The following CNTN4 variants were observed in gnomAD, a reference collection of about 807,000 sequenced individuals.
The protein encoded by CNTN4 is contactin 4.
CNTN4 carries 77 observed loss-of-function variants against 122.5 expected under a neutral mutation model. The observed-to-expected ratio is 0.63, with a 90% CI of 0.52 to 0.76. The LOEUF (loss-of-function observed/expected upper bound fraction) is 0.76. CNTN4 is among the 30% of genes least tolerant of loss of function. The pLI is 0.00. For missense variants in CNTN4, 1,256 were observed against 1,259.1 expected, an observed-to-expected ratio of 1.00 and a Z score of 0.04; for synonymous variants, 512 against 447.0, an observed-to-expected ratio of 1.15 and a Z score of -1.83.
intron 4 of CNTN4, among the ~76,000 whole-genome samples, chr3:2,635,673 G>A (rs1307928342): frequency 6.6e-6 from 1 of 152,182 alleles, no homozygotes; most frequent in Non-Finnish European, 1.5e-5. Context: ...TTCTGGCCAT[G>A]TTCAGAGCTT....
At chr3:2,591,745 A>C (rs145638687) in intron 4 of CNTN4, among the ~76,000 whole-genome samples, 88 of 152,374 alleles carry the variant, frequency 5.8e-4, no homozygotes, top group African/African-American at 2.1e-3. Context: ...GCCTAAACGA[A>C]GAAAAATGAG....
intron 2 of CNTN4, among the ~76,000 whole-genome samples, chr3:2,218,355 C>T (rs1280975291): frequency 1.3e-5 from 2 of 151,950 alleles, no homozygotes; most frequent in African/African-American, 4.8e-5. Flanking sequence ...TTACCACTTT[C>T]TTTTAAAGCA....
At chr3:2,840,424 G>GA (rs1365584186) in intron 7 of CNTN4, among the ~76,000 whole-genome samples, 33 of 151,082 alleles carry the variant, frequency 2.2e-4, no homozygotes, top group African/African-American at 6.8e-4. Context: ...AGCTGGGGCC[G>GA]GCGCGGTGGC....
At chr3:2,465,599 C>T (rs1212193171) in intron 3 of CNTN4, among the ~76,000 whole-genome samples, 2 of 152,210 alleles carry the variant, frequency 1.3e-5, no homozygotes, top group Middle Eastern at 6.8e-3. Flanking sequence ...ATTGCTTGAA[C>T]CCGGGAGGCA....
chr3:2,748,697 A>T (rs1230786010), intron 6 of CNTN4, among the ~76,000 whole-genome samples: 1 of 152,202 alleles, frequency 6.6e-6, no homozygotes, highest in East Asian at 1.9e-4. Flanking sequence ...AGCCTTGCTA[A>T]AATCAACATG....
intron 3 of CNTN4, among the ~76,000 whole-genome samples, chr3:2,509,999 A>G (rs1341753812): frequency 6.6e-6 from 1 of 152,208 alleles, no homozygotes; most frequent in African/African-American, 2.4e-5. Flanking sequence ...GTACAACTAA[A>G]TAAGACCATT....
chr3:2,363,900 T>C, intron 3 of CNTN4, among the ~76,000 whole-genome samples: 1 of 152,358 alleles, frequency 6.6e-6, no homozygotes, highest in Middle Eastern at 3.4e-3. Flanking sequence ...ATAGCTTTAA[T>C]GTAGGTGATT....
At chr3:2,420,942 A>G (rs866226837) in intron 3 of CNTN4, among the ~76,000 whole-genome samples, 2 of 152,172 alleles carry the variant, frequency 1.3e-5, no homozygotes, top group South Asian at 4.1e-4. Flanking sequence ...TTTGCCTAAT[A>G]AAGTAAACGT....
At chr3:2,228,991 C>T (rs905356934) in intron 2 of CNTN4, among the ~76,000 whole-genome samples, 5 of 152,094 alleles carry the variant, frequency 3.3e-5, no homozygotes, top group Non-Finnish European at 5.9e-5. Context: ...TTTGCTTCTG[C>T]TGTATATAAG....
intron 3 of CNTN4, among the ~76,000 whole-genome samples, chr3:2,496,235 C>G (rs905853098): frequency 2.0e-5 from 3 of 152,074 alleles, no homozygotes; most frequent in Non-Finnish European, 2.9e-5. Context: ...TTGATGACGT[C>G]CGATGTGCTT....
chr3:2,422,765 TTC>T (rs1432534362), intron 3 of CNTN4, among the ~76,000 whole-genome samples: 4 of 152,352 alleles, frequency 2.6e-5, no homozygotes, highest in Admixed American at 1.3e-4. Flanking sequence ...GCTGCTGATA[TTC>T]TGTTTCCCCT....
intron 4 of CNTN4, among the ~76,000 whole-genome samples, chr3:2,638,665 A>G (rs928923421): frequency 6.6e-6 from 1 of 152,194 alleles, no homozygotes; most frequent in Non-Finnish European, 1.5e-5. Context: ...CCATTTAGCT[A>G]GACATATACA....
chr3:2,334,900 A>C (rs1467754903), intron 2 of CNTN4, among the ~76,000 whole-genome samples: 1 of 152,208 alleles, frequency 6.6e-6, no homozygotes, highest in Non-Finnish European at 1.5e-5. Flanking sequence ...TGTTCTTAAT[A>C]AATAACCGAC....
At chr3:2,696,632 C>CCAGT (rs2086048694) in intron 4 of CNTN4, among the ~76,000 whole-genome samples, 1 of 152,060 alleles carries the variant, frequency 6.6e-6, no homozygotes, top group Admixed American at 6.6e-5. Flanking sequence ...TGTTAATGAC[C>CCAGT]CAGTCTTAGG....
intron 6 of CNTN4, among the ~76,000 whole-genome samples, chr3:2,776,845 C>A (rs943896252): frequency 6.6e-6 from 1 of 152,108 alleles, no homozygotes; most frequent in African/African-American, 2.4e-5. Flanking sequence ...CAGACATACC[C>A]CCTTCATTCA....
At chr3:2,547,991 T>C (rs918435362) in intron 3 of CNTN4, among the ~76,000 whole-genome samples, 1 of 152,134 alleles carries the variant, frequency 6.6e-6, no homozygotes, top group African/African-American at 2.4e-5. Context: ...CACTTTTTGA[T>C]GAGGTTGTTT....
In CNTN4 at chr3:3,056,256, A is replaced by C. The variant is rs1364770568; in HGVS notation, c.*36A>C. 2.7e-6 allele frequency: 4 copies of C among 1,479,424 alleles called. No individual in the cohort carries two copies. The highest frequency in any genetic ancestry group is 3.8e-6 in the Non-Finnish European group (4 of 1,057,374). 91.6% of individuals were successfully genotyped at this position (1,479,424 alleles called of 1,614,324 possible). A position where few individuals can be genotyped will look rare whatever the true frequency, so the allele number is the denominator to read the frequency against. On this transcript the variant is annotated 3_prime_UTR_variant, in exon 25 of 25. Coordinates refer to ENST00000418658, the MANE Select transcript of CNTN4 (RefSeq NM_175607.3). Reference sequence around the variant, plus strand: ...CTGAAGGACTTGCTGTTTATAATATAAGCAACATTTAGCTAGTTGTTTTGA... The same window carrying C: ...CTGAAGGACTTGCTGTTTATAATATCAGCAACATTTAGCTAGTTGTTTTGA...
intron 3 of CNTN4, among the ~76,000 whole-genome samples, chr3:2,443,505 T>C (rs2048512646): frequency 6.6e-6 from 1 of 152,240 alleles, no homozygotes; most frequent in Admixed American, 6.5e-5. Context: ...GCGTTAGTTC[T>C]AAAGAGTCTG....
intron 4 of CNTN4, among the ~76,000 whole-genome samples, chr3:2,660,258 T>TA (rs1054544048): frequency 1.3e-5 from 2 of 152,110 alleles, no homozygotes; most frequent in African/African-American, 4.8e-5. Context: ...AAACATTTTT[T>TA]AAAAAAAGAA....
Sources: allele counts gnomAD v4.1 joint callset (sites outside exome capture counted in the v4.1 genomes callset), GRCh38; gene constraint gnomAD v4.1.1; transcripts MANE v1.5; gene names NCBI Gene and HGNC (gene_info 2026-07-23, HGNC 2026-07-21).